The following CCM2 variants were observed in gnomAD, a reference collection of about 807,000 sequenced individuals.
The protein encoded by CCM2 is CCM2 scaffold protein.
In CCM2, 25 loss-of-function variants were observed where a neutral mutation model predicts 44.9. The observed-to-expected ratio is 0.56, with a 90% CI of 0.41 to 0.78. CCM2 has a LOEUF of 0.78. CCM2 is among the 30% of genes least tolerant of loss of function. The pLI is 0.00. For synonymous variants in CCM2, 219 were observed against 241.1 expected, an observed-to-expected ratio of 0.91 and a Z score of 0.85; for missense variants, 481 against 580.6, an observed-to-expected ratio of 0.83 and a Z score of 1.76.
intron 9 of CCM2, 55 bp downstream of exon 9, chr7:45,074,463 A>T: frequency 1.4e-6 from 2 of 1,475,146 alleles, no homozygotes; most frequent in Non-Finnish European, 1.9e-6. Context: ...GGAGAGGCTG[A>T]TCCCTCCTGG....
chr7:45,007,873 AAG>A (rs1270204752), intron 1 of CCM2, among the ~76,000 whole-genome samples: 2 of 152,170 alleles, frequency 1.3e-5, no homozygotes, highest in South Asian at 2.1e-4. Flanking sequence ...GGAGAAAAAA[AAG>A]AGAGAAGCCT....
chr7:45,035,961 T>C (rs1384135387), intron 1 of CCM2, among the ~76,000 whole-genome samples: 1 of 152,194 alleles, frequency 6.6e-6, no homozygotes, highest in Non-Finnish European at 1.5e-5. Context: ...CAGAACTTTA[T>C]GTAGATTATT....
chr7:45,008,678 A>G (rs1795947092), intron 1 of CCM2, among the ~76,000 whole-genome samples: 1 of 152,070 alleles, frequency 6.6e-6, no homozygotes, highest in African/African-American at 2.4e-5. Flanking sequence ...ACATGTTCTT[A>G]ATGAGATGCC....
In CCM2 at chr7:45,061,440, T is replaced by TTTTC. The variant is rs746097344; in HGVS notation, c.205-2462_205-2459dup. On this transcript the variant is annotated intron_variant, in intron 2 of 9. Transcript: ENST00000258781. ...ATAACAGAATGCTCTGGTCATGCCT[T>TTTTC]TTTCTTTCTTTCTTTCTTTTTTTTT... 4.7e-3 allele frequency among the ~76,000 whole-genome samples: 712 copies of TTTTC among 150,452 alleles called. 2 individuals are homozygous for TTTTC. Among genetic ancestry groups the TTTTC allele is most frequent in the Non-Finnish European group, 8.0e-3 (541 of 67,696 alleles).
intron 1 of CCM2, among the ~76,000 whole-genome samples, chr7:45,023,162 C>T (rs1796548310): frequency 6.6e-6 from 1 of 152,202 alleles, no homozygotes. Context: ...CATTATATCA[C>T]TCTGTGTGCC....
Position 45,010,607 on chromosome 7 carries a change from A to G in CCM2, c.30+10244A>G, listed in dbSNP as rs10235778. Among the ~76,000 whole-genome samples, 3 of 151,752 alleles carry G rather than the reference A, an allele frequency of 2.0e-5. No homozygotes were observed. In the East Asian group the frequency reaches 5.8e-4, roughly 29 times the overall value. Reference sequence around the variant, plus strand: ...TTCTAGTTTGTGTATATATATATATATTTTTTTGAGATGGAGTTTTGCTCT... The same window carrying G: ...TTCTAGTTTGTGTATATATATATATGTTTTTTTGAGATGGAGTTTTGCTCT... On this transcript the variant is annotated intron_variant, in intron 1 of 9. Coordinates refer to ENST00000258781, the MANE Select transcript of CCM2 (RefSeq NM_031443.4).
chr7:45,066,714 A>G (rs1440165189), intron 4 of CCM2, among the ~76,000 whole-genome samples: 2 of 152,138 alleles, frequency 1.3e-5, no homozygotes, highest in African/African-American at 4.8e-5. Context: ...CACCCGTGGT[A>G]GCACTTCCTG....
rs773464988 is a variant in CCM2, at chr7:45,064,694, G to T, written c.472+48G>T. 5.6e-5 allele frequency: 89 copies of T among 1,601,300 alleles called. 1 individual carries two copies. The highest frequency in any genetic ancestry group is 7.3e-5 in the Non-Finnish European group (86 of 1,170,890). Reference sequence around the variant, plus strand: ...AGGGTCCTTGTCCTAAGGAGTACATGTGTGAATTTTATGAAGTTCTGGAGA... The same window carrying T: ...AGGGTCCTTGTCCTAAGGAGTACATTTGTGAATTTTATGAAGTTCTGGAGA... On this transcript the variant is annotated intron_variant, in intron 4 of 9. Coordinates refer to ENST00000258781, the MANE Select transcript of CCM2 (RefSeq NM_031443.4).
At chr7:45,006,816 A>G (rs1316419749) in intron 1 of CCM2, among the ~76,000 whole-genome samples, 2 of 152,190 alleles carry the variant, frequency 1.3e-5, no homozygotes, top group African/African-American at 2.4e-5. Flanking sequence ...CCTCAGGAGA[A>G]ACCACCCTGC....
At chr7:45,025,129 C>T (rs906478098) in intron 1 of CCM2, among the ~76,000 whole-genome samples, 5 of 152,070 alleles carry the variant, frequency 3.3e-5, no homozygotes, top group Admixed American at 3.3e-4. Context: ...CTGTGTGGGC[C>T]AGGGGGCAAA....
At chr7:45,058,858 T>C (rs1217804436) in intron 2 of CCM2, among the ~76,000 whole-genome samples, 4 of 151,918 alleles carry the variant, frequency 2.6e-5, no homozygotes, top group African/African-American at 9.7e-5. Context: ...CTCAGCCTCC[T>C]GAGTAGCTGG....
In CCM2 at chr7:45,075,972, A is replaced by G. The variant is rs903856880; in HGVS notation, c.1250A>G (p.Glu417Gly). The G allele has an allele frequency of 5.6e-6, 9 of 1,613,002 alleles. No individual in the cohort carries two copies. The highest frequency in any genetic ancestry group is 1.3e-5 in the African/African-American group (1 of 74,902). ...TCTGATGACCGGTCGGCACCCTCAG[A>G]GGGGGATGAGTGGGACCGCATGATC... Reference protein sequence around the residue: ...GSSDDRSAPSEGDEWDRMISD... With the variant: ...GSSDDRSAPSGGDEWDRMISD... Residue 417 changes from glutamate to glycine, a missense_variant, in exon 10 of 10, where the codon GAG becomes GGG. Transcript: ENST00000258781.
chr7:45,063,848 C>G (rs751668943), intron 2 of CCM2, 70 bp from the exon 3 acceptor site: 10 of 1,051,072 alleles, frequency 9.5e-6, no homozygotes, highest in Middle Eastern at 2.0e-4. Context: ...TTTGTGCTCT[C>G]GGTGGTAGTG....
intron 9 of CCM2, among the ~76,000 whole-genome samples, chr7:45,075,164 G>A (rs556010499): frequency 6.6e-6 from 1 of 152,366 alleles, no homozygotes; most frequent in African/African-American, 2.4e-5. Context: ...AATAGGTTCT[G>A]TCTAAGCAGT....
At chr7:45,041,838 C>T (rs570415342) in intron 2 of CCM2, among the ~76,000 whole-genome samples, 8 of 152,246 alleles carry the variant, frequency 5.3e-5, no homozygotes. Context: ...AGTAATGAGG[C>T]CCTCCTATTC....
intron 1 of CCM2, among the ~76,000 whole-genome samples, chr7:45,020,478 C>T (rs1796441530): frequency 6.6e-6 from 1 of 152,100 alleles, no homozygotes; most frequent in Non-Finnish European, 1.5e-5. Context: ...ATTTAAACAG[C>T]AGCCCTCCTA....
At chr7:45,068,918 C>T (rs1798919080) in intron 5 of CCM2, among the ~76,000 whole-genome samples, 1 of 152,222 alleles carries the variant, frequency 6.6e-6, no homozygotes, top group South Asian at 2.1e-4. Flanking sequence ...TCTCTGAGAC[C>T]ACCTGGCCAC....
upstream of CCM2, chr7:44,999,954 C>T: frequency 3.5e-6 from 1 of 282,776 alleles, no homozygotes; most frequent in South Asian, 2.6e-5. Context: ...GCAAGGCAGG[C>T]GCGTTCTCGG....
chr7:45,025,201 T>G (rs1796635452), intron 1 of CCM2, among the ~76,000 whole-genome samples: 1 of 152,200 alleles, frequency 6.6e-6, no homozygotes, highest in African/African-American at 2.4e-5. Flanking sequence ...AATTTTTTTA[T>G]TGATGAAATT....
Sources: gnomAD v4.1 joint callset for allele counts (sites outside exome capture counted in the v4.1 genomes callset) on GRCh38, gnomAD v4.1.1 for gene constraint, MANE v1.5 for transcripts, NCBI Gene and HGNC (gene_info 2026-07-23, HGNC 2026-07-21) for gene names.